NGEF: variants seen among roughly 807,000 people sequenced by gnomAD.
NGEF encodes neuronal guanine nucleotide exchange factor, also known as ephexin-1.
Under a neutral mutation model 80.9 loss-of-function variants are expected in NGEF, and 31 were observed. The ratio of observed to expected loss-of-function variants is 0.38; its 90% CI spans 0.29 to 0.52. NGEF has a LOEUF of 0.52. NGEF is among the 20% of genes least tolerant of loss of function. The pLI is 0.84. For missense variants in NGEF, 709 were observed against 926.2 expected, an observed-to-expected ratio of 0.77 and a Z score of 3.04; for synonymous variants, 371 against 370.2, an observed-to-expected ratio of 1.00 and a Z score of -0.03.
At chr2:232,896,071 CCCACAGT>C (rs1559196851) in intron 5 of NGEF, among the ~76,000 whole-genome samples, 1 of 151,232 alleles carries the variant, frequency 6.6e-6, no homozygotes, top group Admixed American at 6.6e-5. Context: ...GGGTTCAGGT[CCCACAGT>C]CGCTTCCCAG....
At chr2:232,932,198 T>A (rs1693229656) in intron 3 of NGEF, among the ~76,000 whole-genome samples, 1 of 141,776 alleles carries the variant, frequency 7.1e-6, no homozygotes, top group African/African-American at 2.6e-5. Flanking sequence ...AGAATCTTGC[T>A]CTATTGCCCA....
intron 5 of NGEF, among the ~76,000 whole-genome samples, chr2:232,909,177 G>T (rs1457571565): frequency 2.0e-5 from 3 of 152,076 alleles, no homozygotes; most frequent in African/African-American, 7.2e-5. Flanking sequence ...TATTATGTAT[G>T]ATTTTGTTAT....
At chr2:232,949,030 C>A (rs932475980) in intron 3 of NGEF, among the ~76,000 whole-genome samples, 97 of 137,518 alleles carry the variant, frequency 7.1e-4, no homozygotes, top group African/African-American at 2.3e-3. Flanking sequence ...AAAAACCCCC[C>A]AAAAAAAACA....
intron 2 of NGEF, among the ~76,000 whole-genome samples, chr2:232,971,901 C>A (rs1399629034): frequency 5.3e-5 from 8 of 152,112 alleles, no homozygotes; most frequent in African/African-American, 1.9e-4. Flanking sequence ...TCTTGCAACC[C>A]TGAAAGACTT....
intron 3 of NGEF, among the ~76,000 whole-genome samples, chr2:232,968,419 T>A (rs765639313): frequency 6.7e-6 from 1 of 149,864 alleles, no homozygotes; most frequent in African/African-American, 2.5e-5. Flanking sequence ...TTTATTTTAT[T>A]TTTTGAGACG....
At chr2:232,967,032 T>C (rs1483253420) in intron 3 of NGEF, among the ~76,000 whole-genome samples, 1 of 152,144 alleles carries the variant, frequency 6.6e-6, no homozygotes, top group Non-Finnish European at 1.5e-5. Flanking sequence ...CCAAATCTCA[T>C]GTTAAATGTA....
At chr2:232,879,897 C>T (rs914702302) in intron 14 of NGEF, among the ~76,000 whole-genome samples, 29 of 152,230 alleles carry the variant, frequency 1.9e-4, no homozygotes, top group Non-Finnish European at 4.1e-4. Context: ...GGAACAAGGC[C>T]TGCTCCGTGC....
At chr2:232,888,159 C>T (rs769473140) in intron 8 of NGEF, 52 bp from the exon 9 acceptor site, 1 of 1,382,724 alleles carries the variant, frequency 7.2e-7, no homozygotes, top group African/African-American at 1.4e-5. Context: ...GTCTTTCCTC[C>T]CATTTCCCAC....
intron 1 of NGEF, among the ~76,000 whole-genome samples, chr2:232,977,064 G>A (rs1277977829): frequency 2.0e-5 from 3 of 152,168 alleles, no homozygotes; most frequent in African/African-American, 7.2e-5. Context: ...CAGCTCCAGC[G>A]AGATGGGGTG....
In NGEF at chr2:232,965,853, G is replaced by A. The variant is rs1411305715; in HGVS notation, c.383+4361C>T. The stretch of plus-strand genomic sequence containing the variant: ...TCACCAAAACCACTGTGCTTACTAA[G>A]CCACCAAGACAGAAGGGGGCACAGG... On this transcript the variant is annotated intron_variant, in intron 3 of 14. Coordinates refer to ENST00000264051, the MANE Select transcript of NGEF (RefSeq NM_019850.3). 2.6e-5 allele frequency among the ~76,000 whole-genome samples: 4 copies of A among 151,950 alleles called. No individual in the cohort carries two copies. The East Asian group carries it at 7.7e-4, about 29-fold the overall frequency.
chr2:233,012,850 A>C (rs1339384675), intron 1 of NGEF: 2 of 470,876 alleles, frequency 4.2e-6, no homozygotes, highest in African/African-American at 4.0e-5. Context: ...CCTGATTCCC[A>C]GATGGTGAAA....
At chr2:232,969,465 C>CCTTT (rs1559228967) in intron 3 of NGEF, among the ~76,000 whole-genome samples, 1 of 88,752 alleles carries the variant, frequency 1.1e-5, no homozygotes, top group Non-Finnish European at 1.9e-5. Context: ...TTCCTTCCTT[C>CCTTT]CTTCCTTCTT....
chr2:232,905,482 C>T (rs1459635356), intron 5 of NGEF, among the ~76,000 whole-genome samples: 4 of 152,212 alleles, frequency 2.6e-5, no homozygotes, highest in Non-Finnish European at 5.9e-5. Flanking sequence ...CCTGTCTTGG[C>T]CCCCCAAAGT....
At chr2:232,993,113 AT>A (rs1694686462) in intron 1 of NGEF, among the ~76,000 whole-genome samples, 2 of 58,814 alleles carry the variant, frequency 3.4e-5, no homozygotes, top group African/African-American at 7.3e-5. Flanking sequence ...ATAAATATAT[AT>A]ATATAAATAA....
At chr2:232,908,495 C>T (rs1214196182) in intron 5 of NGEF, among the ~76,000 whole-genome samples, 3 of 47,540 alleles carry the variant, frequency 6.3e-5, no homozygotes, top group Admixed American at 2.3e-4. Context: ...CTTGTTTATA[C>T]GTTTATGATT....
At chr2:232,944,858 T>C (rs2106300474) in intron 3 of NGEF, among the ~76,000 whole-genome samples, 1 of 151,330 alleles carries the variant, frequency 6.6e-6, no homozygotes, top group Admixed American at 6.6e-5. Flanking sequence ...TTCAAGTGAT[T>C]CTCCTGCTTC....
At chr2:233,004,941 A>C (rs560542526) in intron 1 of NGEF, among the ~76,000 whole-genome samples, 7 of 151,984 alleles carry the variant, frequency 4.6e-5, no homozygotes, top group African/African-American at 1.7e-4. Context: ...ACAAAACTGC[A>C]CTCGTGCCCC....
rs867059415 is a variant in NGEF at position 232,900,477 on chromosome 2, C to T, written c.829-5561G>A. Among the ~76,000 whole-genome samples the T allele has an allele frequency of 1.8e-4, 17 of 95,634 alleles. 2 individuals are homozygous for T. In the East Asian group the frequency reaches 2.4e-3, roughly 14 times the overall value. 62.7% of individuals were successfully genotyped at this position (95,634 alleles called of 152,430 possible). On this transcript the variant is annotated intron_variant, in intron 5 of 14. Coordinates refer to ENST00000264051, the MANE Select transcript of NGEF (RefSeq NM_019850.3). The stretch of plus-strand genomic sequence containing the variant: ...GTTCACTCACATTCACTCACACACA[C>T]GCTCTCACAGTCACTCATATACACG...
chr2:232,899,213 G>C (rs991597438), intron 5 of NGEF, among the ~76,000 whole-genome samples: 1 of 152,096 alleles, frequency 6.6e-6, no homozygotes, highest in Non-Finnish European at 1.5e-5. Flanking sequence ...GTATGTGACT[G>C]TGTGTGTGAA....
Sources: gnomAD v4.1 joint callset for allele counts (sites outside exome capture counted in the v4.1 genomes callset) on GRCh38, gnomAD v4.1.1 for gene constraint, MANE v1.5 for transcripts, NCBI Gene and HGNC (gene_info 2026-07-23, HGNC 2026-07-21) for gene names.